Variants in MAD1L1 observed in about 807,000 individuals in gnomAD.
MAD1L1 encodes the protein mitotic arrest deficient 1 like 1.
A neutral mutation model predicts 96.9 loss-of-function variants in MAD1L1; 95 were observed. That is an observed-to-expected ratio of 0.98 (90% CI 0.83 to 1.16). MAD1L1 has a LOEUF of 1.16. Ranked by LOEUF, MAD1L1 falls within the 50% of genes most tolerant of loss-of-function variation. MAD1L1 has a pLI of 0.00. For missense variants in MAD1L1, 1,007 were observed against 954.4 expected, an observed-to-expected ratio of 1.06 and a Z score of -0.73; for synonymous variants, 473 against 396.6, an observed-to-expected ratio of 1.19 and a Z score of -2.29.
intron 18 of MAD1L1, among the ~76,000 whole-genome samples, chr7:1,824,810 C>A (rs1468047544): frequency 6.6e-6 from 1 of 152,070 alleles, no homozygotes; most frequent in Non-Finnish European, 1.5e-5. Flanking sequence ...AAAAGACTCT[C>A]CGGGCGTCTC....
intron 11 of MAD1L1, among the ~76,000 whole-genome samples, chr7:2,129,488 C>T (rs554612089): frequency 6.6e-6 from 1 of 152,354 alleles, no homozygotes; most frequent in African/African-American, 2.4e-5. Context: ...AATCCGTCAC[C>T]TGCCAGTGAC....
At chr7:2,134,189 A>G (rs977702572) in intron 11 of MAD1L1, among the ~76,000 whole-genome samples, 3 of 152,184 alleles carry the variant, frequency 2.0e-5, no homozygotes, top group Admixed American at 2.0e-4. Flanking sequence ...TTCTTTCATC[A>G]GGTCTGGTGA....
chr7:2,221,100 G>C, intron 5 of MAD1L1: 1 of 1,439,136 alleles, frequency 6.9e-7, no homozygotes. Flanking sequence ...GCTTAGACAT[G>C]ACAGGCCAAA....
At chr7:2,124,245 G>A (rs942379898) in intron 11 of MAD1L1, among the ~76,000 whole-genome samples, 3 of 152,214 alleles carry the variant, frequency 2.0e-5, no homozygotes, top group Non-Finnish European at 4.4e-5. Flanking sequence ...TGGAGAGGAG[G>A]CAAGCCCACC....
intron 17 of MAD1L1, among the ~76,000 whole-genome samples, chr7:1,921,829 A>G (rs1788813088): frequency 6.6e-6 from 1 of 152,224 alleles, no homozygotes; most frequent in African/African-American, 2.4e-5. Flanking sequence ...GTGATCTGGA[A>G]AAAAAATCAA....
At chr7:2,062,753 C>T (rs1447295238) in intron 12 of MAD1L1, among the ~76,000 whole-genome samples, 1 of 152,142 alleles carries the variant, frequency 6.6e-6, no homozygotes, top group Non-Finnish European at 1.5e-5. Flanking sequence ...GAGAACAAGC[C>T]TCCCGAGGTG....
intron 18 of MAD1L1, among the ~76,000 whole-genome samples, chr7:1,869,488 GCAGGTGACCTCCC>G (rs1344190552): frequency 1.3e-5 from 2 of 151,952 alleles, no homozygotes; most frequent in Admixed American, 6.6e-5. Context: ...GCAGCTGGGA[GCAGGTGACCTCCC>G]CAGGGCCCTC....
chr7:2,020,204 TG>T (rs1782725318), intron 12 of MAD1L1, among the ~76,000 whole-genome samples: 2 of 152,066 alleles, frequency 1.3e-5, no homozygotes, highest in Admixed American at 1.3e-4. Context: ...GGGGAGGCAG[TG>T]CCATGGACAG....
chr7:1,885,763 G>A (rs988253236), intron 18 of MAD1L1, among the ~76,000 whole-genome samples: 3 of 152,156 alleles, frequency 2.0e-5, no homozygotes, highest in Admixed American at 6.5e-5. Flanking sequence ...GCAGCCCGGC[G>A]CCCAGAGCCT....
intron 6 of MAD1L1, 24 bp from the exon 7 acceptor site, chr7:2,218,067 A>G: frequency 6.3e-7 from 1 of 1,579,606 alleles, no homozygotes; most frequent in Non-Finnish European, 8.7e-7. Flanking sequence ...AATACATCAC[A>G]CACAGAAACA....
In MAD1L1 at chr7:2,052,597, G is replaced by C. The variant is rs548776147; in HGVS notation, c.1218+16597C>G. ...GTGGAAACCCTACTTACGTTTATAA[G>C]TCCTTATATCTTACAAATAAATGGG... On this transcript the variant is annotated intron_variant, in intron 12 of 18. Transcript: ENST00000265854. Among the ~76,000 whole-genome samples, 6 of 152,310 alleles carry C rather than the reference G, an allele frequency of 3.9e-5. No individual in the cohort carries two copies. In the East Asian group the frequency reaches 1.2e-3, roughly 29 times the overall value.
intron 11 of MAD1L1, among the ~76,000 whole-genome samples, chr7:2,147,182 C>T (rs1359485486): frequency 2.0e-5 from 3 of 152,182 alleles, no homozygotes; most frequent in Non-Finnish European, 4.4e-5. Flanking sequence ...CCTTTCAGCT[C>T]ACAGAGATGA....
rs370861005 is a variant in MAD1L1 at position 1,961,741 on chromosome 7, G to A, written c.1506-4022C>T. The stretch of plus-strand genomic sequence containing the variant: ...AGCTCCCATAATCCCCATGTGTTGC[G>A]GGAGGGATATGGTGGGAGATAATGA... On this transcript the variant is annotated intron_variant, in intron 15 of 18. Coordinates refer to ENST00000265854, the MANE Select transcript of MAD1L1 (RefSeq NM_001013836.2). 9.8e-5 allele frequency among the ~76,000 whole-genome samples: 15 copies of A among 152,350 alleles called. No individual in the cohort carries two copies. The East Asian group carries it at 1.2e-3, about 12-fold the overall frequency.
chr7:1,863,506 C>T (rs552198436), intron 18 of MAD1L1, among the ~76,000 whole-genome samples: 26 of 152,362 alleles, frequency 1.7e-4, no homozygotes, highest in South Asian at 1.7e-3. Context: ...CCGCACAGCA[C>T]GGCCTGGCTG....
chr7:2,219,822 C>G (rs1483099304), intron 5 of MAD1L1, among the ~76,000 whole-genome samples: 3 of 152,148 alleles, frequency 2.0e-5, no homozygotes, highest in African/African-American at 7.2e-5. Flanking sequence ...GAGCCTGCCA[C>G]AAGCCACCCA....
intron 17 of MAD1L1, among the ~76,000 whole-genome samples, chr7:1,910,109 C>G (rs1196570578): frequency 6.6e-6 from 1 of 152,046 alleles, no homozygotes; most frequent in African/African-American, 2.4e-5. Flanking sequence ...CAGGCGGGCG[C>G]GGATATCATA....
intron 9 of MAD1L1, among the ~76,000 whole-genome samples, chr7:2,213,612 C>T (rs1414994602): frequency 2.0e-5 from 3 of 152,200 alleles, no homozygotes; most frequent in Admixed American, 1.3e-4. Context: ...GGAGCAGCCT[C>T]GGGTCCTTGA....
At chr7:1,869,138 G>GCCCGC (rs1160700403) in intron 18 of MAD1L1, among the ~76,000 whole-genome samples, 5 of 152,090 alleles carry the variant, frequency 3.3e-5, no homozygotes. Flanking sequence ...AGGCACCATC[G>GCCCGC]CCCGCCCCCA....
intron 16 of MAD1L1, among the ~76,000 whole-genome samples, chr7:1,944,955 G>A (rs1021755062): frequency 1.3e-5 from 2 of 152,228 alleles, no homozygotes; most frequent in African/African-American, 4.8e-5. Flanking sequence ...CCCTGCAAGT[G>A]CACAGTGCAG....
Sources: gnomAD v4.1 joint callset for allele counts (sites outside exome capture counted in the v4.1 genomes callset) on GRCh38, gnomAD v4.1.1 for gene constraint, MANE v1.5 for transcripts, NCBI Gene and HGNC (gene_info 2026-07-23, HGNC 2026-07-21) for gene names.